ELAVL4: variants seen among roughly 807,000 people sequenced by gnomAD.
ELAVL4 encodes the protein ELAV-like protein 4.
ELAVL4 carries 1 observed loss-of-function variant against 35.6 expected under a neutral mutation model. The ratio of observed to expected loss-of-function variants is 0.03; its 90% CI spans 0.01 to 0.13. ELAVL4 has a LOEUF of 0.13. ELAVL4 is among the 10% of genes least tolerant of loss of function. The probability of loss-of-function intolerance (pLI) is 1.00; values close to 1 mark genes in which losing one functional copy is unlikely to be tolerated. For missense variants in ELAVL4, 267 were observed against 464.9 expected (o/e 0.57, Z 3.91); for synonymous variants, 156 against 171.0 (o/e 0.91, Z 0.69).
intron 2 of ELAVL4, among the ~76,000 whole-genome samples, chr1:50,172,123 T>C (rs1679117870): frequency 6.6e-6 from 1 of 152,190 alleles, no homozygotes; most frequent in African/African-American, 2.4e-5. Flanking sequence ...AGATTGGCAG[T>C]GCAGAAATGC....
intron 1 of ELAVL4, among the ~76,000 whole-genome samples, chr1:50,117,594 A>G (rs1421475490): frequency 6.6e-6 from 1 of 152,152 alleles, no homozygotes; most frequent in South Asian, 2.1e-4. Flanking sequence ...GGTGATGACA[A>G]TATCTAACTC....
upstream of ELAVL4, chr1:50,103,821 G>C: frequency 7.5e-7 from 1 of 1,334,644 alleles, no homozygotes; most frequent in Non-Finnish European, 1.0e-6. Flanking sequence ...ATTCAATTGA[G>C]GGGCAAGAAG....
chr1:50,051,596 C>T (rs1245676028), intron 1 of ELAVL4, among the ~76,000 whole-genome samples: 1 of 152,136 alleles, frequency 6.6e-6, no homozygotes, highest in Non-Finnish European at 1.5e-5. Flanking sequence ...AGATTACAAA[C>T]TTAGGCTTGT....
chr1:50,167,198 C>T (rs2148789498), intron 2 of ELAVL4, among the ~76,000 whole-genome samples: 1 of 152,290 alleles, frequency 6.6e-6, no homozygotes, highest in South Asian at 2.1e-4. Context: ...GTAATTGTGA[C>T]TTCAAAGGCC....
intron 4 of ELAVL4, 129 bp from the exon 5 acceptor site, chr1:50,195,432 G>A (rs543604721): frequency 4.3e-4 from 402 of 938,780 alleles, no homozygotes; most frequent in Non-Finnish European, 6.3e-4. Flanking sequence ...AGATCAGGGA[G>A]CTGGGCTCAG....
chr1:50,183,158 G>A (rs906581398), intron 3 of ELAVL4, among the ~76,000 whole-genome samples: 9 of 151,924 alleles, frequency 5.9e-5, no homozygotes, highest in Middle Eastern at 3.2e-3. Context: ...GCGCCCGGCC[G>A]ATTTCCATCC....
intron 1 of ELAVL4, among the ~76,000 whole-genome samples, chr1:50,077,071 C>T (rs1664796425): frequency 6.6e-6 from 1 of 152,070 alleles, no homozygotes; most frequent in East Asian, 1.9e-4. Context: ...AGATACATGA[C>T]CCTATACTGC....
At chr1:50,181,590 C>T (rs1325636464) in intron 3 of ELAVL4, among the ~76,000 whole-genome samples, 1 of 152,156 alleles carries the variant, frequency 6.6e-6, no homozygotes, top group Non-Finnish European at 1.5e-5. Flanking sequence ...AGCCCTGAGC[C>T]CAGCCCAGTG....
At position 50,109,160 on chromosome 1, in the gene ELAVL4, C is replaced by G. The variant is rs1172140674; in HGVS notation, c.-30C>G. On this transcript the variant is annotated 5_prime_UTR_variant, in exon 1 of 7. Coordinates refer to ENST00000371824, the MANE Select transcript of ELAVL4 (RefSeq NM_001144774.3). ...GCAAATTTTAACAGAAGAGTCGAAG[C>G]TCTGCGAGACCCAATATTTGCCAAT... is the stretch of plus-strand genomic sequence containing the variant. The G allele has an allele frequency of 6.2e-7, 1 of 1,608,360 alleles. No individual in the cohort carries two copies. Among genetic ancestry groups the G allele is most frequent in the East Asian group, 2.2e-5 (1 of 44,726 alleles).
intron 1 of ELAVL4, among the ~76,000 whole-genome samples, chr1:50,068,153 A>G (rs1227574900): frequency 6.6e-6 from 1 of 152,200 alleles, no homozygotes; most frequent in African/African-American, 2.4e-5. Flanking sequence ...AAAGCAGGTT[A>G]AGGGGGATAG....
At chr1:50,093,756 C>T (rs979374509) in intron 1 of ELAVL4, among the ~76,000 whole-genome samples, 3 of 152,074 alleles carry the variant, frequency 2.0e-5, no homozygotes, top group South Asian at 2.1e-4. Flanking sequence ...TTCAGGGACC[C>T]GTAAGTATGA....
chr1:50,109,141 T>A lies in ELAVL4; in HGVS notation c.-49T>A. The A allele has an allele frequency of 6.3e-7, 1 of 1,592,436 alleles. No individual in the cohort carries two copies. Among genetic ancestry groups the A allele is most frequent in the Admixed American group, 1.8e-5 (1 of 55,552 alleles). On this transcript the variant is annotated 5_prime_UTR_variant, in exon 1 of 7. Transcript: ENST00000371824. ...TATATATTCTGAAATCTTTGCAAAT[T>A]TTAACAGAAGAGTCGAAGCTCTGCG...
chr1:50,109,898 CT>C (rs1268210239), intron 1 of ELAVL4: 2 of 1,611,322 alleles, frequency 1.2e-6, no homozygotes, highest in Non-Finnish European at 1.7e-6. Context: ...TTCCTTTCCG[CT>C]TTTGACACAC....
At chr1:50,163,768 G>A (rs1677230428) in intron 2 of ELAVL4, among the ~76,000 whole-genome samples, 1 of 152,202 alleles carries the variant, frequency 6.6e-6, no homozygotes, top group Admixed American at 6.5e-5. Context: ...AGAGGTTGCA[G>A]TGAGCCCATA....
intron 1 of ELAVL4, among the ~76,000 whole-genome samples, chr1:50,062,874 A>G (rs535816719): frequency 6.6e-6 from 1 of 152,172 alleles, no homozygotes; most frequent in Admixed American, 6.5e-5. Context: ...TTATCCATTA[A>G]TCCATCCATC....
intron 6 of ELAVL4, 92 bp downstream of exon 6, chr1:50,197,559 AG>A: frequency 8.4e-7 from 1 of 1,184,352 alleles, no homozygotes; most frequent in Non-Finnish European, 1.1e-6. Flanking sequence ...TTACTTTAAA[AG>A]AAAAAAATTC....
At chr1:50,178,819 G>T (rs1048089910) in intron 3 of ELAVL4, among the ~76,000 whole-genome samples, 1 of 152,274 alleles carries the variant, frequency 6.6e-6, no homozygotes, top group East Asian at 1.9e-4. Flanking sequence ...GTGCTATCCA[G>T]TTCAGCATTA....
chr1:50,129,754 A>G (rs910245254), intron 1 of ELAVL4, among the ~76,000 whole-genome samples: 14 of 152,144 alleles, frequency 9.2e-5, no homozygotes, highest in Non-Finnish European at 4.4e-5. Context: ...TTCAGAAATT[A>G]AATTCCAAGG....
intron 2 of ELAVL4, among the ~76,000 whole-genome samples, chr1:50,165,582 A>G (rs1053175458): frequency 4.7e-5 from 7 of 148,582 alleles, no homozygotes; most frequent in African/African-American, 7.4e-5. Context: ...ACACGTATAT[A>G]TGTATACATA....
Sources: allele counts gnomAD v4.1 joint callset (sites outside exome capture counted in the v4.1 genomes callset), GRCh38; gene constraint gnomAD v4.1.1; transcripts MANE v1.5; gene names NCBI Gene and HGNC (gene_info 2026-07-23, HGNC 2026-07-21).